Variants in MAF observed in about 807,000 individuals in gnomAD.
MAF encodes the protein MAF bZIP transcription factor, also known as transcription factor Maf.
Under a neutral mutation model 22.0 loss-of-function variants are expected in MAF, and 10 were observed. That is an observed-to-expected ratio of 0.45 (90% CI 0.28 to 0.77). The LOEUF (loss-of-function observed/expected upper bound fraction) is 0.77, where lower values mean the gene tolerates loss of function less well. MAF is among the 30% of genes least tolerant of loss of function. The pLI is 0.12. For synonymous variants in MAF, 337 were observed against 255.8 expected (o/e 1.32, Z -3.03); for missense variants, 544 against 548.4 (o/e 0.99, Z 0.08).
chr16:79,317,578 C>T, the MAF span, among the ~76,000 whole-genome samples: 1 of 151,936 alleles, frequency 6.6e-6, no homozygotes, highest in South Asian at 2.1e-4. Flanking sequence ...TTACTTCCGC[C>T]CTTCCTTTCT....
the MAF span, among the ~76,000 whole-genome samples, chr16:79,346,137 C>A: frequency 6.6e-6 from 1 of 151,860 alleles, no homozygotes; most frequent in Non-Finnish European, 1.5e-5. Context: ...ATTAACTCAT[C>A]ATTTAGCATT....
At chr16:79,440,353 C>G in the MAF span, among the ~76,000 whole-genome samples, 3 of 152,178 alleles carry the variant, frequency 2.0e-5, no homozygotes, top group East Asian at 3.8e-4. Flanking sequence ...GTGCCTAGCG[C>G]ACAGTAGGTA....
At chr16:79,283,831 G>A in the MAF span, among the ~76,000 whole-genome samples, 1 of 152,082 alleles carries the variant, frequency 6.6e-6, no homozygotes, top group Non-Finnish European at 1.5e-5. Context: ...AGATGCACCT[G>A]AACTTTCACC....
chr16:79,319,748 G>A, the MAF span, among the ~76,000 whole-genome samples: 1 of 152,220 alleles, frequency 6.6e-6, no homozygotes, highest in African/African-American at 2.4e-5. Context: ...GGCATAGAGT[G>A]AAAAGTGGCA....
chr16:79,417,618 G>T, the MAF span, among the ~76,000 whole-genome samples: 3 of 152,000 alleles, frequency 2.0e-5, no homozygotes, highest in South Asian at 2.1e-4. Context: ...GGAGGCGGGG[G>T]TCCCCAGCCC....
chr16:79,250,562 C>T, the MAF span, among the ~76,000 whole-genome samples: 13 of 152,128 alleles, frequency 8.5e-5, no homozygotes, highest in African/African-American at 2.9e-4. Context: ...AGGTAAGAAT[C>T]AGTCCTTGTT....
At chr16:79,339,688 AG>A in the MAF span, among the ~76,000 whole-genome samples, 1 of 152,232 alleles carries the variant, frequency 6.6e-6, no homozygotes, top group South Asian at 2.1e-4. Context: ...GTTTGTTGTT[AG>A]TGTAATAAAC....
At chr16:79,548,456 T>C in the MAF span, among the ~76,000 whole-genome samples, 1 of 152,346 alleles carries the variant, frequency 6.6e-6, no homozygotes, top group Admixed American at 6.5e-5. Context: ...CAGCTTTATA[T>C]GTGGGAGAAA....
intron 1 of MAF, chr16:79,595,563 T>C (rs980452708): frequency 6.6e-6 from 7 of 1,059,774 alleles, no homozygotes; most frequent in Non-Finnish European, 6.9e-6. Flanking sequence ...TAACATTAGT[T>C]TCATGAATTT....
chr16:79,533,364 T>G, the MAF span, among the ~76,000 whole-genome samples: 2 of 152,276 alleles, frequency 1.3e-5, no homozygotes, highest in Non-Finnish European at 2.9e-5. Flanking sequence ...TATATACAAC[T>G]GAGTCAAAAA....
chr16:79,469,724 G>C, the MAF span, among the ~76,000 whole-genome samples: 1 of 152,112 alleles, frequency 6.6e-6, no homozygotes, highest in African/African-American at 2.4e-5. Context: ...AGCCTCCTGA[G>C]TAGCTGGGAT....
At chr16:79,566,295 T>G in the MAF span, among the ~76,000 whole-genome samples, 1 of 152,128 alleles carries the variant, frequency 6.6e-6, no homozygotes, top group Admixed American at 6.5e-5. Flanking sequence ...TAGACCAATG[T>G]GGGACAGATT....
chr16:79,457,013 T>A, the MAF span, among the ~76,000 whole-genome samples: 1 of 152,118 alleles, frequency 6.6e-6, no homozygotes, highest in Admixed American at 6.6e-5. Context: ...ATAAGAAATT[T>A]GGGTAAATGT....
At chr16:79,243,571 T>C in the MAF span, among the ~76,000 whole-genome samples, 3 of 151,960 alleles carry the variant, frequency 2.0e-5, no homozygotes, top group Non-Finnish European at 4.4e-5. Flanking sequence ...GATGCAGTAA[T>C]TAATAGCCTA....
the MAF span, among the ~76,000 whole-genome samples, chr16:79,286,234 C>T: frequency 6.6e-6 from 1 of 152,094 alleles, no homozygotes; most frequent in Non-Finnish European, 1.5e-5. Context: ...TACAGCATTC[C>T]AAAGACTCTC....
chr16:79,543,583 G>A, the MAF span, among the ~76,000 whole-genome samples: 2 of 151,824 alleles, frequency 1.3e-5, no homozygotes, highest in African/African-American at 2.4e-5. Context: ...AATGCCCCAC[G>A]TTCTGGGTAA....
chr16:79,239,185 A>G, the MAF span, among the ~76,000 whole-genome samples: 21 of 152,042 alleles, frequency 1.4e-4, 1 homozygote, highest in African/African-American at 4.6e-4. Flanking sequence ...GGTTTTGTCA[A>G]ATTCTCTCTC....
the MAF span, among the ~76,000 whole-genome samples, chr16:79,301,685 T>A: frequency 6.6e-6 from 1 of 152,198 alleles, no homozygotes; most frequent in African/African-American, 2.4e-5. Context: ...TATTTTACTA[T>A]ATATGTTGTA....
the MAF span, among the ~76,000 whole-genome samples, chr16:79,365,301 G>A: frequency 6.6e-6 from 1 of 152,172 alleles, no homozygotes; most frequent in Non-Finnish European, 1.5e-5. Flanking sequence ...AATTCTCCAT[G>A]TAGCACTTTT....
Sources: gnomAD v4.1 joint callset for allele counts (sites outside exome capture counted in the v4.1 genomes callset) on GRCh38, gnomAD v4.1.1 for gene constraint, MANE v1.5 for transcripts, NCBI Gene and HGNC (gene_info 2026-07-23, HGNC 2026-07-21) for gene names.